XPR1: variants seen among roughly 807,000 people sequenced by gnomAD.
XPR1 encodes the protein xenotropic and polytropic retrovirus receptor 1, also known as solute carrier family 53 member 1.
XPR1 carries 28 observed loss-of-function variants against 87.5 expected under a neutral mutation model. The ratio of observed to expected loss-of-function variants is 0.32; its 90% confidence interval spans 0.24 to 0.44. XPR1 has a LOEUF of 0.44. Ranked by LOEUF, XPR1 falls within the 20% of genes least tolerant of loss-of-function variation. The pLI, the probability that XPR1 is intolerant of heterozygous loss-of-function variation, is 1.00. For synonymous variants in XPR1, 300 were observed against 306.1 expected, an observed-to-expected ratio of 0.98 and a Z score of 0.21; for missense variants, 559 against 862.3, an observed-to-expected ratio of 0.65 and a Z score of 4.41.
At chr1:180,728,126 C>G (rs1030110981) in intron 2 of XPR1, among the ~76,000 whole-genome samples, 1 of 152,078 alleles carries the variant, frequency 6.6e-6, no homozygotes, top group Non-Finnish European at 1.5e-5. Flanking sequence ...ACCAGTCTTT[C>G]TGTAAAGCAA....
intron 1 of XPR1, among the ~76,000 whole-genome samples, chr1:180,664,722 A>G (rs1216783494): frequency 1.3e-5 from 2 of 152,146 alleles, no homozygotes; most frequent in East Asian, 3.8e-4. Flanking sequence ...CCTGCCTAAG[A>G]GTTGCAGTCC....
intron 2 of XPR1, among the ~76,000 whole-genome samples, chr1:180,691,778 A>G (rs1557959556): frequency 6.6e-6 from 1 of 152,106 alleles, no homozygotes; most frequent in Non-Finnish European, 1.5e-5. Context: ...TTCTTATTAT[A>G]CGCTTCAATG....
At chr1:180,704,083 C>G (rs1015294007) in intron 2 of XPR1, among the ~76,000 whole-genome samples, 19 of 150,726 alleles carry the variant, frequency 1.3e-4, no homozygotes, top group Non-Finnish European at 2.5e-4. Flanking sequence ...GTTTTTGTCT[C>G]CCAGAGTCTG....
At chr1:180,796,188 C>T (rs1200648700) in intron 3 of XPR1, among the ~76,000 whole-genome samples, 1 of 152,166 alleles carries the variant, frequency 6.6e-6, no homozygotes, top group African/African-American at 2.4e-5. Flanking sequence ...CACACACACA[C>T]TTTTCCAGGT....
rs575472951 is a variant in XPR1 at position 180,846,856 on chromosome 1, T to TAA, written c.1501+10154_1501+10155dup. ...TACACACAATATTTTCTTCACATAG[T>TAA]AAAAAAAAAAAAAAATGATGCCACT... On this transcript the variant is annotated intron_variant, in intron 11 of 14. Coordinates refer to ENST00000367590, the MANE Select transcript of XPR1 (RefSeq NM_004736.4). Among the ~76,000 whole-genome samples, 614 of 132,794 alleles carry TAA rather than the reference T, an allele frequency of 4.6e-3. 3 individuals are homozygous for TAA. The highest frequency in any genetic ancestry group is 0.015 in the African/African-American group (564 of 36,812). The allele number at this position is 132,794 out of a possible 152,430, so 87.1% of individuals were successfully genotyped here. A position where few individuals can be genotyped will look rare whatever the true frequency, so the allele number is the denominator to read the frequency against.
chr1:180,656,564 A>ATT lies in XPR1; in HGVS notation c.69+24295_69+24296insTT, dbSNP rs1306335193. ...ATATTTATATATTTATATGTATAAT[A>ATT]TATATTTTATATATGTATGTATAAT... On this transcript the variant is annotated intron_variant, in intron 1 of 14. Coordinates refer to ENST00000367590, the MANE Select transcript of XPR1 (RefSeq NM_004736.4). Among the ~76,000 whole-genome samples the ATT allele has an allele frequency of 2.8e-3, 145 of 51,796 alleles. 1 individual carries two copies. The highest frequency in any genetic ancestry group is 4.0e-3 in the Non-Finnish European group (109 of 26,986). 34.0% of individuals were successfully genotyped at this position (51,796 alleles called of 152,430 possible).
rs556580781 is a variant in XPR1 at position 180,731,728 on chromosome 1, A to G, written c.121+49317A>G. Among the ~76,000 whole-genome samples, 10 of 152,358 alleles carry G rather than the reference A, an allele frequency of 6.6e-5. No individual in the cohort carries two copies. In the South Asian group the frequency reaches 1.0e-3, roughly 16 times the overall value. Reference sequence around the variant, plus strand: ...CACATAATCAATATAAAAATTATCAATGAGATAGTTTACATTTTTATGCTG... The same window carrying G: ...CACATAATCAATATAAAAATTATCAGTGAGATAGTTTACATTTTTATGCTG... On this transcript the variant is annotated intron_variant, in intron 2 of 14. Transcript: ENST00000367590.
intron 1 of XPR1, among the ~76,000 whole-genome samples, chr1:180,655,748 T>C (rs1655437769): frequency 6.6e-6 from 1 of 152,158 alleles, no homozygotes; most frequent in African/African-American, 2.4e-5. Flanking sequence ...TTTTATCCTT[T>C]TTGAGTTAAT....
intron 9 of XPR1, among the ~76,000 whole-genome samples, chr1:180,829,096 T>C (rs1444650395): frequency 6.6e-6 from 1 of 152,096 alleles, no homozygotes; most frequent in Non-Finnish European, 1.5e-5. Context: ...CTTGGGAGGC[T>C]GAGGGAGGAG....
chr1:180,647,240 A>G (rs985965218), intron 1 of XPR1, among the ~76,000 whole-genome samples: 2 of 152,258 alleles, frequency 1.3e-5, no homozygotes, highest in Non-Finnish European at 2.9e-5. Context: ...AATATGGATG[A>G]AACTTCGCTT....
At chr1:180,866,212 A>T (rs558487920) in intron 12 of XPR1, among the ~76,000 whole-genome samples, 87 of 138,452 alleles carry the variant, frequency 6.3e-4, no homozygotes, top group African/African-American at 2.5e-3. Flanking sequence ...ACCCTGTCTT[A>T]AAAAAAAAAA....
chr1:180,696,173 T>C (rs1325238087), intron 2 of XPR1, among the ~76,000 whole-genome samples: 5 of 88,666 alleles, frequency 5.6e-5, no homozygotes, highest in Non-Finnish European at 8.7e-5. Flanking sequence ...TGGGTGTGTG[T>C]GTGTGTGTGT....
intron 2 of XPR1, among the ~76,000 whole-genome samples, chr1:180,759,829 C>A (rs1463826217): frequency 6.6e-6 from 1 of 152,082 alleles, no homozygotes; most frequent in Non-Finnish European, 1.5e-5. Flanking sequence ...GAATTTAGAC[C>A]AATATCCTTC....
chr1:180,808,270 A>C (rs1348433739), intron 6 of XPR1, among the ~76,000 whole-genome samples: 2 of 151,246 alleles, frequency 1.3e-5, no homozygotes, highest in Non-Finnish European at 2.9e-5. Flanking sequence ...ATGCTGAAAC[A>C]GTTGAATTCC....
chr1:180,799,007 AT>A (rs1649687321), intron 3 of XPR1, among the ~76,000 whole-genome samples: 1 of 152,124 alleles, frequency 6.6e-6, no homozygotes, highest in Non-Finnish European at 1.5e-5. Context: ...TGCTCCTATT[AT>A]GTTTCAGCAG....
At chr1:180,717,249 TCCCAAAGTGCTGGGATTAC>T (rs975985222) in intron 2 of XPR1, among the ~76,000 whole-genome samples, 17 of 152,194 alleles carry the variant, frequency 1.1e-4, no homozygotes, top group Non-Finnish European at 1.9e-4. Context: ...CACTTTGGCC[TCCCAAAGTGCTGGGATTAC>T]AGGCATGAGC....
At chr1:180,698,078 T>G (rs1362146923) in intron 2 of XPR1, among the ~76,000 whole-genome samples, 1 of 152,152 alleles carries the variant, frequency 6.6e-6, no homozygotes, top group African/African-American at 2.4e-5. Flanking sequence ...AATCTCTTTC[T>G]TTAGATCTAG....
At chr1:180,704,693 T>C (rs548678600) in intron 2 of XPR1, among the ~76,000 whole-genome samples, 4 of 151,776 alleles carry the variant, frequency 2.6e-5, no homozygotes, top group Non-Finnish European at 5.9e-5. Flanking sequence ...TTCCTTTTGA[T>C]AGACTCTTAG....
chr1:180,648,991 C>T (rs1181054661), intron 1 of XPR1, among the ~76,000 whole-genome samples: 1 of 152,092 alleles, frequency 6.6e-6, no homozygotes, highest in Non-Finnish European at 1.5e-5. Context: ...GGGACTTATG[C>T]ACTGGGTTCC....
Sources: gnomAD v4.1 joint callset for allele counts (sites outside exome capture counted in the v4.1 genomes callset) on GRCh38, gnomAD v4.1.1 for gene constraint, MANE v1.5 for transcripts, NCBI Gene and HGNC (gene_info 2026-07-23, HGNC 2026-07-21) for gene names.